ARHGEF17: variants seen among roughly 807,000 people sequenced by gnomAD.
ARHGEF17 encodes Rho guanine nucleotide exchange factor 17.
In ARHGEF17, 80 loss-of-function variants were observed where a neutral mutation model predicts 174.0. That is an observed-to-expected ratio of 0.46 (90% CI 0.38 to 0.55). The LOEUF (loss-of-function observed/expected upper bound fraction) is 0.55. Among genes scored for constraint, ARHGEF17 ranks in the 20% least tolerant of loss-of-function variants. The probability of loss-of-function intolerance (pLI) is 0.00; values close to 1 mark genes in which losing one functional copy is unlikely to be tolerated. For synonymous variants in ARHGEF17, 1,311 were observed against 1,189.1 expected (o/e 1.10, Z -2.11); for missense variants, 2,886 against 2,839.7 (o/e 1.02, Z -0.37).
chr11:73,349,915 C>T (rs1179930695), intron 2 of ARHGEF17, among the ~76,000 whole-genome samples: 1 of 152,122 alleles, frequency 6.6e-6, no homozygotes, highest in Non-Finnish European at 1.5e-5. Flanking sequence ...AGGTCTGGCT[C>T]CAGGTCAGGA....
In ARHGEF17 at chr11:73,345,343, T is replaced by A. The variant is rs557949992; in HGVS notation, c.3193-1540T>A. On this transcript the variant is annotated intron_variant, in intron 1 of 20. Transcript: ENST00000263674. Reference sequence around the variant, plus strand: ...CAAGGATGGGGAGAGCCAGCCCCCCTTCCTCCCTGCCCCAAGGGGTGTCCT... The same window carrying A: ...CAAGGATGGGGAGAGCCAGCCCCCCATCCTCCCTGCCCCAAGGGGTGTCCT... 3.3e-5 allele frequency among the ~76,000 whole-genome samples: 5 copies of A among 152,200 alleles called. No individual in the cohort carries two copies. The South Asian group carries it at 8.3e-4, about 25-fold the overall frequency.
At chr11:73,319,353 C>T (rs781134122) in intron 1 of ARHGEF17, among the ~76,000 whole-genome samples, 3 of 152,212 alleles carry the variant, frequency 2.0e-5, no homozygotes, top group Admixed American at 6.5e-5. Context: ...TGAGCCACTG[C>T]GCCCGGCCTC....
In ARHGEF17 at chr11:73,360,371, T is replaced by C. The variant is rs1201548052; in HGVS notation, c.4258T>C (p.Ser1420Pro). 1 of 1,613,794 alleles carries C rather than the reference T, an allele frequency of 6.2e-7. No individual in the cohort carries two copies. The highest frequency in any genetic ancestry group is 2.2e-5 in the East Asian group (1 of 44,892). Residue 1420 changes from serine (S) to proline (P), a missense_variant, in exon 11 of 21, where the codon TCG becomes CCG. Ser to Pro is a moderately conservative substitution (Grantham distance 74). This residue lies in a region of ARHGEF17 where 476 missense variants were observed against 473.1 expected (regional missense o/e 1.01). Transcript: ENST00000263674. ...DLSAAMHRDL[S>P]EKQALCYALS... The stretch of plus-strand genomic sequence containing the variant: ...CTCAGCTGCCATGCACCGGGACCTG[T>C]CGGAGAAGCAGGCGCTGTGCTACGC...
Position 73,323,627 on chromosome 11 carries a change from C to G in ARHGEF17, c.3192+11797C>G, listed in dbSNP as rs554463300. Among the ~76,000 whole-genome samples, 4 of 152,350 alleles carry G rather than the reference C, an allele frequency of 2.6e-5. No individual in the cohort carries two copies. In the South Asian group the frequency reaches 8.3e-4, roughly 32 times the overall value. On this transcript the variant is annotated intron_variant, in intron 1 of 20. Transcript: ENST00000263674. Reference sequence around the variant, plus strand: ...GAGCGCCCTCCCAGCTCCTGCCGCTCCTGGGCCCCTCCTCCCCTCTGGCCT... The same window carrying G: ...GAGCGCCCTCCCAGCTCCTGCCGCTGCTGGGCCCCTCCTCCCCTCTGGCCT...
At chr11:73,343,749 A>G (rs1488512004) in intron 1 of ARHGEF17, among the ~76,000 whole-genome samples, 2 of 150,542 alleles carry the variant, frequency 1.3e-5, no homozygotes, top group Non-Finnish European at 3.0e-5. Context: ...GTACCCCTGC[A>G]GGGGAGGGGA....
At chr11:73,323,040 A>G (rs1052695949) in intron 1 of ARHGEF17, among the ~76,000 whole-genome samples, 1 of 152,120 alleles carries the variant, frequency 6.6e-6, no homozygotes, top group Non-Finnish European at 1.5e-5. Context: ...TTTCCTCTGC[A>G]TTCTGAAAGA....
At chr11:73,348,794 G>A (rs1865505322) in intron 2 of ARHGEF17, among the ~76,000 whole-genome samples, 1 of 152,160 alleles carries the variant, frequency 6.6e-6, no homozygotes, top group African/African-American at 2.4e-5. Flanking sequence ...AAAATACAAT[G>A]CGTTTGTTTA....
At position 73,309,379 on chromosome 11, in the gene ARHGEF17, T is replaced by C. The variant is rs1033867519; in HGVS notation, c.741T>C (p.Ala247=). Residue 247 remains alanine, a synonymous_variant, in exon 1 of 21, where the codon GCT becomes GCC. Transcript: ENST00000263674. The part of the protein sequence containing the change: ...AASYPVSRSR[A]ASSSEEEEEG... The stretch of plus-strand genomic sequence containing the variant: ...CCTATCCTGTCAGCCGCAGTCGTGC[T>C]GCCAGCTCCAGCGAGGAGGAAGAGG... The C allele has an allele frequency of 7.6e-6, 12 of 1,586,868 alleles. No homozygotes were observed. In the Admixed American group the frequency reaches 1.4e-4, roughly 19 times the overall value.
chr11:73,362,764 C>A, intron 14 of ARHGEF17, 30 bp downstream of exon 14: 1 of 1,581,476 alleles, frequency 6.3e-7, no homozygotes, highest in Middle Eastern at 1.7e-4. Flanking sequence ...TCCAACTTGG[C>A]CTTGGCAGGC....
chr11:73,350,565 C>T (rs576556541), intron 2 of ARHGEF17, among the ~76,000 whole-genome samples: 6 of 152,312 alleles, frequency 3.9e-5, no homozygotes, highest in African/African-American at 1.2e-4. Context: ...ACTGCCCTCA[C>T]TAATTGATAA....
intron 3 of ARHGEF17, among the ~76,000 whole-genome samples, chr11:73,354,645 C>T (rs897951226): frequency 2.2e-4 from 33 of 148,752 alleles, no homozygotes; most frequent in Non-Finnish European, 3.0e-4. Flanking sequence ...ACCTGGGTGG[C>T]GGAGGTTGCA....
chr11:73,355,513 A>G lies in ARHGEF17; in HGVS notation c.3454-20A>G, dbSNP rs781113469. The G allele has an allele frequency of 1.3e-5, 21 of 1,591,642 alleles. No individual in the cohort carries two copies. Among genetic ancestry groups the G allele is most frequent in the Non-Finnish European group, 1.8e-5 (21 of 1,159,828 alleles). On this transcript the variant is annotated intron_variant, in intron 3 of 20. Coordinates refer to ENST00000263674, the MANE Select transcript of ARHGEF17 (RefSeq NM_014786.4). ...GTGAGGGACACCTTGAGGGTCCCCA[A>G]CCTGCCTCCTCCTCCACAGTTCTCC...
At chr11:73,360,227 G>T in intron 10 of ARHGEF17, 93 bp from the exon 11 acceptor site, 1 of 1,417,774 alleles carries the variant, frequency 7.1e-7, no homozygotes, top group Non-Finnish European at 9.8e-7. Context: ...CTCACTTGCT[G>T]TCTAAGGAGA....
intron 7 of ARHGEF17, 86 bp from the exon 8 acceptor site, chr11:73,356,939 C>G: frequency 2.6e-6 from 4 of 1,511,356 alleles, no homozygotes; most frequent in Admixed American, 1.8e-5. Flanking sequence ...CTCCCTGGGT[C>G]TCAGTGTCCC....
In ARHGEF17 at chr11:73,365,869, G is replaced by A. The variant is rs775654966; in HGVS notation, c.5917G>A (p.Val1973Ile). ...CCTCGGCCAGGGACACACCGGCCACGTCCGCTTCTTGGCTGCAGTCCAGCT... is the reference window on the plus strand; with the variant it reads ...CCTCGGCCAGGGACACACCGGCCACATCCGCTTCTTGGCTGCAGTCCAGCT... ...TGLGQGHTGH[V>I]RFLAAVQLPD... The change falls in exon 20 of 21, where the codon GTC (valine) becomes ATC (isoleucine). Residue 1973 changes from valine (V) to isoleucine (I), a missense_variant. Physicochemically the swap from Val to Ile is conservative, Grantham distance 29. This residue lies in a region of ARHGEF17 where 329 missense variants were observed against 435.2 expected (regional missense o/e 0.76). Coordinates refer to ENST00000263674, the MANE Select transcript of ARHGEF17 (RefSeq NM_014786.4). The surrounding 1 kb of genome is among the most constrained non-coding windows in gnomAD (Gnocchi z 4.9). 34 of 1,611,578 alleles carry A rather than the reference G, an allele frequency of 2.1e-5. No individual in the cohort carries two copies. Among genetic ancestry groups the A allele is most frequent in the Non-Finnish European group, 2.7e-5 (32 of 1,180,032 alleles).
intron 3 of ARHGEF17, among the ~76,000 whole-genome samples, chr11:73,355,186 C>T (rs867005172): frequency 1.3e-5 from 2 of 152,172 alleles, no homozygotes; most frequent in South Asian, 2.1e-4. Context: ...GAAAGGGAGA[C>T]CTGCCTGGCT....
intron 1 of ARHGEF17, among the ~76,000 whole-genome samples, chr11:73,317,019 C>G (rs924405250): frequency 1.3e-5 from 2 of 152,202 alleles, no homozygotes; most frequent in Non-Finnish European, 2.9e-5. Flanking sequence ...GAACACAGAG[C>G]TACAACTTCT....
In ARHGEF17 at chr11:73,356,194, C is replaced by G; in HGVS notation, c.3683C>G (p.Pro1228Arg). 3 of 1,613,906 alleles carry G rather than the reference C, an allele frequency of 1.9e-6. No individual in the cohort carries two copies. Among genetic ancestry groups the G allele is most frequent in the Non-Finnish European group, 2.5e-6 (3 of 1,180,014 alleles). Residue 1228 changes from proline (P) to arginine (R), a missense_variant, in exon 6 of 21, where the codon CCT becomes CGT. Coordinates refer to ENST00000263674, the MANE Select transcript of ARHGEF17 (RefSeq NM_014786.4). ...CCCCAGGACCTCCTGAAGCATACAC[C>G]TGAGGACCACCCGGACCATCCACTC... Reference protein sequence around the residue: ...LLVKDLLKHTPEDHPDHPLLL... With the variant: ...LLVKDLLKHTREDHPDHPLLL...
chr11:73,329,360 TATATATATATA>T lies in ARHGEF17; in HGVS notation c.3193-17522_3193-17512del, dbSNP rs1401664950. On this transcript the variant is annotated intron_variant, in intron 1 of 20. Transcript: ENST00000263674. ...ATATATATATATATATATATATATA[TATATATATATA>T]TATTTTTTTTTTTTTTTTGTATTTT... Among the ~76,000 whole-genome samples the T allele has an allele frequency of 2.1e-3, 41 of 19,930 alleles. 4 individuals are homozygous for T. The highest frequency in any genetic ancestry group is 5.5e-3 in the South Asian group (3 of 548). 13.1% of individuals were successfully genotyped at this position (19,930 alleles called of 152,430 possible).
Sources: gnomAD v4.1 joint callset for allele counts (sites outside exome capture counted in the v4.1 genomes callset) on GRCh38, gnomAD v4.1.1 for gene constraint, gnomAD v4.1.1 regional missense constraint, Gnocchi (gnomAD v3.1) non-coding constraint, MANE v1.5 for transcripts, NCBI Gene and HGNC (gene_info 2026-07-23, HGNC 2026-07-21) for gene names.